NKAIN2: variants seen among roughly 807,000 people sequenced by gnomAD.
The protein encoded by NKAIN2 is sodium/potassium-transporting ATPase subunit beta-1-interacting protein 2.
NKAIN2 carries 14 observed loss-of-function variants against 32.6 expected under a neutral mutation model. The observed-to-expected ratio is 0.43, with a 90% CI of 0.28 to 0.67. The LOEUF is 0.67. Among genes scored for constraint, NKAIN2 ranks in the 30% least tolerant of loss-of-function variants. NKAIN2 has a pLI of 0.17. For missense variants in NKAIN2, 198 were observed against 258.3 expected (o/e 0.77, Z 1.60); for synonymous variants, 80 against 87.2 (o/e 0.92, Z 0.46).
intron 1 of NKAIN2, among the ~76,000 whole-genome samples, chr6:124,189,393 G>A (rs1789904391): frequency 6.6e-6 from 1 of 152,024 alleles, no homozygotes; most frequent in Non-Finnish European, 1.5e-5. Flanking sequence ...TGTGTGATGT[G>A]GTTATTCATG....
chr6:124,264,649 G>A lies in NKAIN2; in HGVS notation c.55-18356G>A, dbSNP rs192744488. Among the ~76,000 whole-genome samples, 50 of 152,274 alleles carry A rather than the reference G, an allele frequency of 3.3e-4. No individual in the cohort carries two copies. In the East Asian group the frequency reaches 5.8e-3, roughly 18 times the overall value. On this transcript the variant is annotated intron_variant, in intron 1 of 6. Transcript: ENST00000368417. ...TGGAAACTAGCACTACTCAGTAGCT[G>A]TAGAAAAAGATTGGACCCCCAGTGG...
At chr6:124,553,973 G>C (rs1031274174) in intron 3 of NKAIN2, among the ~76,000 whole-genome samples, 3 of 152,118 alleles carry the variant, frequency 2.0e-5, no homozygotes, top group African/African-American at 4.8e-5. Flanking sequence ...TTTTACAACA[G>C]AAAAGTGGGA....
At chr6:124,145,489 TTTTTTGTTTTTG>T (rs142539289) in intron 1 of NKAIN2, among the ~76,000 whole-genome samples, 44 of 150,234 alleles carry the variant, frequency 2.9e-4, no homozygotes, top group Non-Finnish European at 4.6e-4. Flanking sequence ...CTGACAAACT[TTTTTTGTTTTTG>T]TTTTTGTTTT....
In NKAIN2 at chr6:124,540,586, A is replaced by G. The variant is rs115851958; in HGVS notation, c.274-117600A>G. Among the ~76,000 whole-genome samples the G allele has an allele frequency of 1.7e-3, 262 of 152,338 alleles. 1 individual carries two copies. The highest frequency in any genetic ancestry group is 6.0e-3 in the African/African-American group (248 of 41,588). On this transcript the variant is annotated intron_variant, in intron 3 of 6. Coordinates refer to ENST00000368417, the MANE Select transcript of NKAIN2 (RefSeq NM_001040214.3). ...CATGTACTACTATGCAATAGCATGC[A>G]AGTTACATCACCTCTGTAAGACTCA...
intron 3 of NKAIN2, among the ~76,000 whole-genome samples, chr6:124,407,075 T>C (rs572406595): frequency 6.6e-6 from 1 of 152,296 alleles, no homozygotes; most frequent in South Asian, 2.1e-4. Context: ...GTTTTTCTTT[T>C]ATCGATCAAG....
chr6:124,200,633 G>T (rs186308257), intron 1 of NKAIN2, among the ~76,000 whole-genome samples: 1 of 151,996 alleles, frequency 6.6e-6, no homozygotes, highest in Non-Finnish European at 1.5e-5. Flanking sequence ...TCTTTTCCAA[G>T]AATTAAGAAT....
intron 5 of NKAIN2, among the ~76,000 whole-genome samples, chr6:124,812,788 T>A (rs1324308627): frequency 1.9e-4 from 29 of 152,076 alleles, no homozygotes; most frequent in Admixed American, 1.9e-3. Flanking sequence ...TTTCTGAGAA[T>A]CAACTTTGAA....
At chr6:124,033,202 G>A (rs1781477638) in intron 1 of NKAIN2, among the ~76,000 whole-genome samples, 1 of 152,064 alleles carries the variant, frequency 6.6e-6, no homozygotes, top group Non-Finnish European at 1.5e-5. Context: ...GTAACATATT[G>A]TCTGGTTCTC....
At chr6:124,073,983 G>C (rs1783577748) in intron 1 of NKAIN2, among the ~76,000 whole-genome samples, 1 of 152,154 alleles carries the variant, frequency 6.6e-6, no homozygotes, top group South Asian at 2.1e-4. Flanking sequence ...GCAGACATAG[G>C]ATTCAGCATT....
At chr6:124,810,072 T>A (rs1474984544) in intron 5 of NKAIN2, among the ~76,000 whole-genome samples, 8 of 152,154 alleles carry the variant, frequency 5.3e-5, no homozygotes, top group Non-Finnish European at 7.4e-5. Context: ...GAAGTCAGTG[T>A]GGCGATTCCT....
chr6:124,304,588 G>A (rs1796433725), intron 2 of NKAIN2, among the ~76,000 whole-genome samples: 2 of 152,266 alleles, frequency 1.3e-5, no homozygotes, highest in South Asian at 4.1e-4. Context: ...GTCAATAGTA[G>A]ATCAACTACT....
chr6:124,283,317 C>G (rs1373939521), intron 2 of NKAIN2, 175 bp downstream of exon 2: 1 of 525,760 alleles, frequency 1.9e-6, no homozygotes, highest in Non-Finnish European at 3.4e-6. Flanking sequence ...TTGAAAATGT[C>G]AGGTTTAAGG....
chr6:124,014,704 A>G lies in NKAIN2; in HGVS notation c.54+210450A>G, dbSNP rs575543188. On this transcript the variant is annotated intron_variant, in intron 1 of 6. Coordinates refer to ENST00000368417, the MANE Select transcript of NKAIN2 (RefSeq NM_001040214.3). ...AATAAAGATAAGTATAAATAATAAA[A>G]TAATAGTTACCTCATGCTGTTGTTA... Among the ~76,000 whole-genome samples the G allele has an allele frequency of 2.6e-5, 4 of 152,236 alleles. No individual in the cohort carries two copies. The East Asian group carries it at 5.8e-4, about 22-fold the overall frequency.
intron 3 of NKAIN2, among the ~76,000 whole-genome samples, chr6:124,568,754 A>T (rs1781014884): frequency 6.6e-6 from 1 of 151,638 alleles, no homozygotes; most frequent in Admixed American, 6.6e-5. Flanking sequence ...AAAAGTCAAT[A>T]AAAATGAGGA....
intron 1 of NKAIN2, among the ~76,000 whole-genome samples, chr6:123,938,795 A>G (rs1279228628): frequency 2.6e-5 from 4 of 151,486 alleles, no homozygotes; most frequent in Middle Eastern, 3.4e-3. Flanking sequence ...TCTGTTGAAT[A>G]TATTAGGAAT....
intron 3 of NKAIN2, among the ~76,000 whole-genome samples, chr6:124,650,424 G>A (rs546073514): frequency 2.6e-5 from 4 of 152,022 alleles, no homozygotes; most frequent in Non-Finnish European, 5.9e-5. Context: ...AAATATATAG[G>A]TATCAATTTG....
At chr6:124,086,692 A>T (rs1223858923) in intron 1 of NKAIN2, among the ~76,000 whole-genome samples, 1 of 151,948 alleles carries the variant, frequency 6.6e-6, no homozygotes, top group Non-Finnish European at 1.5e-5. Context: ...TTTGATAATT[A>T]TGATGAAATG....
intron 2 of NKAIN2, among the ~76,000 whole-genome samples, chr6:124,334,710 C>CTAATTT (rs1797797413): frequency 7.2e-6 from 1 of 139,352 alleles, no homozygotes; most frequent in African/African-American, 2.7e-5. Flanking sequence ...AGTGATCTTG[C>CTAATTT]GGCATCTAGC....
At chr6:124,632,890 A>G (rs565113623) in intron 3 of NKAIN2, among the ~76,000 whole-genome samples, 6 of 152,342 alleles carry the variant, frequency 3.9e-5, no homozygotes, top group African/African-American at 1.4e-4. Flanking sequence ...CAAATGCATG[A>G]CAAATGTAAC....
Sources: gnomAD v4.1 joint callset for allele counts (sites outside exome capture counted in the v4.1 genomes callset) on GRCh38, gnomAD v4.1.1 for gene constraint, MANE v1.5 for transcripts, NCBI Gene and HGNC (gene_info 2026-07-23, HGNC 2026-07-21) for gene names.